Variants in DEFB110 observed in about 807,000 individuals in gnomAD.
DEFB110 encodes beta-defensin 110.
Under a neutral mutation model 2.5 loss-of-function variants are expected in DEFB110, and 4 were observed. The observed-to-expected ratio is 1.60, with a 90% CI of 0.79 to 3.66. The LOEUF (loss-of-function observed/expected upper bound fraction) is 3.66, where lower values mean the gene tolerates loss of function less well. Among genes scored for constraint, DEFB110 ranks in the 30% most tolerant of loss-of-function variants. DEFB110 has a pLI of 0.01. For missense variants in DEFB110, 94 were observed against 75.4 expected (o/e 1.25, Z -0.91); for synonymous variants, 29 against 21.8 (o/e 1.33, Z -0.92).
At chr6:50,021,273 G>A (rs543013944) in intron 1 of DEFB110, among the ~76,000 whole-genome samples, 54 of 152,222 alleles carry the variant, frequency 3.5e-4, no homozygotes, top group African/African-American at 1.3e-3. Context: ...GCAGCATCCT[G>A]GGTTCTATCT....
At chr6:50,015,401 T>G (rs887995903), downstream of DEFB110, among the ~76,000 whole-genome samples, 4 of 151,738 alleles carry the variant, frequency 2.6e-5, no homozygotes, top group African/African-American at 9.7e-5. Flanking sequence ...AATCCCTGGG[T>G]AATCAATTTG....
chr6:50,012,132 T>C (rs1774238019), intron 1 of DEFB110, among the ~76,000 whole-genome samples: 1 of 152,028 alleles, frequency 6.6e-6, no homozygotes, highest in Non-Finnish European at 1.5e-5. Flanking sequence ...TATTTGCCTT[T>C]TGGATTTCAC....
downstream of DEFB110, among the ~76,000 whole-genome samples, chr6:50,014,566 T>C (rs1774284262): frequency 6.6e-6 from 1 of 151,788 alleles, no homozygotes; most frequent in African/African-American, 2.4e-5. Flanking sequence ...AAATGAAATA[T>C]TCAACAAATG....
intron 1 of DEFB110, among the ~76,000 whole-genome samples, chr6:50,011,224 G>A (rs1020563975): frequency 6.6e-6 from 1 of 151,398 alleles, no homozygotes; most frequent in Non-Finnish European, 1.5e-5. Context: ...CAATTTTAAG[G>A]TGTTGAATGC....
chr6:50,012,551 G>T (rs1359665205), intron 1 of DEFB110, among the ~76,000 whole-genome samples: 4 of 151,836 alleles, frequency 2.6e-5, no homozygotes, highest in Non-Finnish European at 5.9e-5. Flanking sequence ...AATGCATTTA[G>T]TAATACTTCA....
chr6:50,011,524 G>A (rs776264894), intron 1 of DEFB110, among the ~76,000 whole-genome samples: 10 of 152,060 alleles, frequency 6.6e-5, no homozygotes, highest in African/African-American at 1.2e-4. Flanking sequence ...GAGATATGCT[G>A]TGGACATCAA....
chr6:50,010,678 C>A (rs1774212680), intron 1 of DEFB110, among the ~76,000 whole-genome samples: 1 of 150,830 alleles, frequency 6.6e-6, no homozygotes, highest in South Asian at 2.1e-4. Context: ...GAATCCCTAC[C>A]TTTGGTGAAT....
chr6:50,016,730 A>G (rs1774323428), downstream of DEFB110, among the ~76,000 whole-genome samples: 1 of 151,698 alleles, frequency 6.6e-6, no homozygotes, highest in Non-Finnish European at 1.5e-5. Flanking sequence ...TCAGGAAAAA[A>G]AAAATATTAA....
chr6:50,013,726 G>A (rs1774269278), intron 1 of DEFB110, among the ~76,000 whole-genome samples: 1 of 151,848 alleles, frequency 6.6e-6, no homozygotes, highest in South Asian at 2.1e-4. Flanking sequence ...CAATAGATAA[G>A]TTTTGGATTT....
chr6:50,019,137 G>T lies in DEFB110; in HGVS notation c.56-12C>A, dbSNP rs1276402350. ...ATATTTCTTTTTGGCTGTAAGAAGG[G>T]AAGAATGACTAAAATTAGCCATCTA... On this transcript the variant is annotated splice_polypyrimidine_tract_variant and intron_variant, in intron 1 of 1. Coordinates refer to ENST00000371148, the MANE Select transcript of DEFB110 (RefSeq NM_001037497.2). The T allele has an allele frequency of 3.7e-6, 6 of 1,608,960 alleles. No homozygotes were observed. The highest frequency in any genetic ancestry group is 5.1e-6 in the Non-Finnish European group (6 of 1,177,960).
chr6:50,016,735 T>A (rs1372430243), downstream of DEFB110, among the ~76,000 whole-genome samples: 1 of 151,586 alleles, frequency 6.6e-6, no homozygotes, highest in Non-Finnish European at 1.5e-5. Context: ...AAAAAAAAAA[T>A]ATTAATTTTG....
intron 1 of DEFB110, among the ~76,000 whole-genome samples, chr6:50,013,063 G>T (rs2113938183): frequency 6.6e-6 from 1 of 151,850 alleles, no homozygotes; most frequent in African/African-American, 2.4e-5. Context: ...GTGTTCACTA[G>T]GTTTCAGATT....
downstream of DEFB110, among the ~76,000 whole-genome samples, chr6:50,015,863 T>G (rs1241063398): frequency 1.3e-5 from 2 of 151,804 alleles, no homozygotes; most frequent in African/African-American, 4.8e-5. Flanking sequence ...TTAACCTGTT[T>G]ATTATCCATA....
chr6:50,014,151 A>G (rs908244016), downstream of DEFB110, among the ~76,000 whole-genome samples: 2 of 151,902 alleles, frequency 1.3e-5, no homozygotes, highest in Non-Finnish European at 2.9e-5. Context: ...TCAATTAATA[A>G]TTGTAAAATA....
At chr6:50,010,465 T>G (rs1034502602) in intron 1 of DEFB110, among the ~76,000 whole-genome samples, 11 of 151,518 alleles carry the variant, frequency 7.3e-5, no homozygotes, top group African/African-American at 2.7e-4. Context: ...CTTAATGAAG[T>G]TGGTAGAAAA....
At chr6:50,017,787 A>T (rs766594108), downstream of DEFB110, among the ~76,000 whole-genome samples, 113 of 152,054 alleles carry the variant, frequency 7.4e-4, no homozygotes, top group Middle Eastern at 0.014. Context: ...CTGCATTTGA[A>T]GAATAGAATG....
downstream of DEFB110, among the ~76,000 whole-genome samples, chr6:50,016,978 A>C (rs78867127): frequency 9.7e-3 from 1,473 of 151,084 alleles, 30 homozygotes; most frequent in African/African-American, 0.032. Flanking sequence ...AAAATCTCTC[A>C]TCTTCTTGGT....
At chr6:50,020,177 C>G (rs1231212815) in intron 1 of DEFB110, among the ~76,000 whole-genome samples, 1 of 151,476 alleles carries the variant, frequency 6.6e-6, no homozygotes, top group Admixed American at 6.6e-5. Flanking sequence ...TGACACAATA[C>G]AAAAATAACT....
intron 1 of DEFB110, among the ~76,000 whole-genome samples, chr6:50,012,393 G>T (rs114816332): frequency 2.6e-5 from 4 of 151,936 alleles, no homozygotes; most frequent in Admixed American, 2.6e-4. Flanking sequence ...AAAAAAGAGC[G>T]AGTGAATGCA....
Sources: gnomAD v4.1 joint callset for allele counts (sites outside exome capture counted in the v4.1 genomes callset) on GRCh38, gnomAD v4.1.1 for gene constraint, MANE v1.5 for transcripts, NCBI Gene and HGNC (gene_info 2026-07-23, HGNC 2026-07-21) for gene names.